Variants in SESTD1 observed in about 807,000 individuals in gnomAD.
The protein encoded by SESTD1 is SEC14 domain and spectrin repeat-containing protein 1.
Under a neutral mutation model 101.7 loss-of-function variants are expected in SESTD1, and 43 were observed. The ratio of observed to expected loss-of-function variants is 0.42; its 90% CI spans 0.33 to 0.55. The LOEUF (loss-of-function observed/expected upper bound fraction) is 0.55, where lower values mean the gene tolerates loss of function less well. SESTD1 is among the 20% of genes least tolerant of loss of function. SESTD1 has a pLI of 0.07. For synonymous variants in SESTD1, 283 were observed against 286.8 expected, an observed-to-expected ratio of 0.99 and a Z score of 0.13; for missense variants, 647 against 815.1, an observed-to-expected ratio of 0.79 and a Z score of 2.51.
At chr2:179,168,412 A>T (rs1259343866) in intron 5 of SESTD1, among the ~76,000 whole-genome samples, 1 of 152,192 alleles carries the variant, frequency 6.6e-6, no homozygotes, top group African/African-American at 2.4e-5. Context: ...TTAGCATTTA[A>T]GTTCTTAGAA....
In SESTD1 at chr2:179,108,182, A is replaced by G. The variant is rs557746459; in HGVS notation, c.*1717T>C. 15 of 152,140 alleles carry G rather than the reference A, an allele frequency of 9.9e-5. No homozygotes were observed. Among genetic ancestry groups the G allele is most frequent in the African/African-American group, 2.9e-4 (12 of 41,510 alleles). The allele number at this position is 152,140 out of a possible 1,614,324, so 9.4% of individuals were successfully genotyped here. ...TCCAGAACATTGGTATAAAATAAAA[A>G]CTCTAAGGATGAGATACCGAGAAAA... is the stretch of plus-strand genomic sequence containing the variant. On this transcript the variant is annotated 3_prime_UTR_variant, in exon 18 of 18. Transcript: ENST00000428443.
At chr2:179,170,297 AG>A (rs1382569067) in intron 5 of SESTD1, among the ~76,000 whole-genome samples, 6 of 152,138 alleles carry the variant, frequency 3.9e-5, no homozygotes, top group Non-Finnish European at 8.8e-5. Context: ...GGCAAACAAT[AG>A]ACTAGGAGGT....
intron 5 of SESTD1, among the ~76,000 whole-genome samples, chr2:179,160,322 C>A (rs1368097509): frequency 1.3e-5 from 2 of 152,016 alleles, no homozygotes; most frequent in Admixed American, 1.3e-4. Flanking sequence ...AACAATGACA[C>A]AATTGCTGAA....
chr2:179,162,275 AT>A (rs1250057990), intron 5 of SESTD1, among the ~76,000 whole-genome samples: 2 of 152,136 alleles, frequency 1.3e-5, no homozygotes, highest in Admixed American at 1.3e-4. Context: ...TTTTTAAAAG[AT>A]AGTATTAAAA....
At chr2:179,187,709 AG>A (rs2046254755) in intron 2 of SESTD1, among the ~76,000 whole-genome samples, 1 of 152,206 alleles carries the variant, frequency 6.6e-6, no homozygotes. Context: ...TGACAATGAC[AG>A]GTTCAAAGAA....
intron 7 of SESTD1, 131 bp downstream of exon 7, chr2:179,149,166 G>A (rs915841838): frequency 2.3e-6 from 1 of 438,030 alleles, no homozygotes; most frequent in Non-Finnish European, 4.0e-6. Flanking sequence ...CACGAATATT[G>A]TACGTCAATT....
At chr2:179,244,180 G>C (rs1031189014) in intron 1 of SESTD1, among the ~76,000 whole-genome samples, 1 of 151,972 alleles carries the variant, frequency 6.6e-6, no homozygotes, top group African/African-American at 2.4e-5. Context: ...AAACCAGCTG[G>C]ATGTAGTGGC....
chr2:179,116,920 C>CTTA (rs2044646028), intron 14 of SESTD1, 130 bp from the exon 15 acceptor site: 1 of 1,251,088 alleles, frequency 8.0e-7, no homozygotes. Context: ...GTCTTAAAAG[C>CTTA]TTATTTCATT....
chr2:179,163,927 A>C (rs1426059987), intron 5 of SESTD1, among the ~76,000 whole-genome samples: 1 of 152,186 alleles, frequency 6.6e-6, no homozygotes, highest in Non-Finnish European at 1.5e-5. Context: ...CTGTAACTAT[A>C]ATACTTATCC....
intron 1 of SESTD1, among the ~76,000 whole-genome samples, chr2:179,249,905 A>G (rs2047291420): frequency 6.6e-6 from 1 of 151,472 alleles, no homozygotes; most frequent in Admixed American, 6.6e-5. Flanking sequence ...AAAAAAAAAA[A>G]GAACCTTGAC....
chr2:179,132,928 T>C (rs1021826757), intron 9 of SESTD1, among the ~76,000 whole-genome samples: 2 of 152,208 alleles, frequency 1.3e-5, no homozygotes, highest in African/African-American at 2.4e-5. Flanking sequence ...TTCCCAAGCA[T>C]TGAAAAAACT....
rs2045018222 is a variant in SESTD1, at chr2:179,131,725, T to A, written c.972+579A>T. On this transcript the variant is annotated intron_variant, in intron 10 of 17. Coordinates refer to ENST00000428443, the MANE Select transcript of SESTD1 (RefSeq NM_178123.5). The stretch of plus-strand genomic sequence containing the variant: ...TAACAAGTTGTTAAATTTTAAATTA[T>A]CTTTAACAATTATTATCTATAATCT... Among the ~76,000 whole-genome samples, 3 of 152,306 alleles carry A rather than the reference T, an allele frequency of 2.0e-5. No individual in the cohort carries two copies. The South Asian group carries it at 6.2e-4, about 32-fold the overall frequency.
intron 1 of SESTD1, among the ~76,000 whole-genome samples, chr2:179,234,025 T>C (rs2047023969): frequency 6.6e-6 from 1 of 152,230 alleles, no homozygotes; most frequent in African/African-American, 2.4e-5. Context: ...GGATAAGATT[T>C]ACATTTTAAC....
At chr2:179,253,976 T>TGGTTA (rs1194215955) in intron 1 of SESTD1, among the ~76,000 whole-genome samples, 1 of 151,932 alleles carries the variant, frequency 6.6e-6, no homozygotes, top group African/African-American at 2.4e-5. Flanking sequence ...GGCATGCACC[T>TGGTTA]ATAGTCCCAG....
At chr2:179,185,682 T>TATATATAATATGCTATATTATATACA (rs1559134216) in intron 2 of SESTD1, among the ~76,000 whole-genome samples, 1 of 107,842 alleles carries the variant, frequency 9.3e-6, no homozygotes, top group East Asian at 2.6e-4. Context: ...TATAGCATAT[T>TATATATAATATGCTATATTATATACA]ATATATAATA....
At chr2:179,264,047 C>A in intron 1 of SESTD1, 1 of 152,442 alleles carries the variant, frequency 6.6e-6, no homozygotes, top group Non-Finnish European at 1.5e-5. Context: ...CGCCCGAGAG[C>A]AGGGAGCCAC....
At chr2:179,246,155 T>C (rs1432664932) in intron 1 of SESTD1, among the ~76,000 whole-genome samples, 1 of 149,016 alleles carries the variant, frequency 6.7e-6, no homozygotes, top group Non-Finnish European at 1.5e-5. Context: ...CTCAGGAGGC[T>C]GAGGCAGGAG....
At chr2:179,234,635 A>T (rs1043189355) in intron 1 of SESTD1, among the ~76,000 whole-genome samples, 1 of 152,112 alleles carries the variant, frequency 6.6e-6, no homozygotes, top group Admixed American at 6.6e-5. Flanking sequence ...ACGAGTATAC[A>T]TCACCAGTAA....
rs748527170 is a variant in SESTD1 at position 179,115,057 on chromosome 2, A to C, written c.1839+8T>G. On this transcript the variant is annotated splice_region_variant and intron_variant, in intron 16 of 17. Coordinates refer to ENST00000428443, the MANE Select transcript of SESTD1 (RefSeq NM_178123.5). ...ACTGAGAATAACATTTCAAAAACAC[A>C]AGCAAACCTTTTCAGCATTTGAGTG... 3.7e-6 allele frequency: 6 copies of C among 1,606,392 alleles called. No individual in the cohort carries two copies. The South Asian group carries it at 6.7e-5, about 18-fold the overall frequency.
Sources: gnomAD v4.1 joint callset for allele counts (sites outside exome capture counted in the v4.1 genomes callset) on GRCh38, gnomAD v4.1.1 for gene constraint, MANE v1.5 for transcripts, NCBI Gene and HGNC (gene_info 2026-07-23, HGNC 2026-07-21) for gene names.